Variants in ARHGAP31 observed in about 807,000 individuals in gnomAD.
ARHGAP31 encodes Rho GTPase activating protein 31, also known as rho GTPase-activating protein 31.
In ARHGAP31, 34 loss-of-function variants were observed where a neutral mutation model predicts 113.9. The observed-to-expected ratio is 0.30, with a 90% confidence interval of 0.23 to 0.40. ARHGAP31 has a LOEUF of 0.40. ARHGAP31 is among the 10% of genes least tolerant of loss of function. The pLI, the probability that ARHGAP31 is intolerant of heterozygous loss-of-function variation, is 1.00. For synonymous variants in ARHGAP31, 650 were observed against 684.8 expected (o/e 0.95, Z 0.79); for missense variants, 1,548 against 1,767.1 (o/e 0.88, Z 2.22).
At chr3:119,344,443 G>A (rs185576308) in intron 1 of ARHGAP31, among the ~76,000 whole-genome samples, 2 of 152,118 alleles carry the variant, frequency 1.3e-5, no homozygotes, top group African/African-American at 4.8e-5. Flanking sequence ...ACTGTGCAGG[G>A]CATGGTGCTG....
intron 1 of ARHGAP31, among the ~76,000 whole-genome samples, chr3:119,355,921 T>C (rs2080153042): frequency 6.6e-6 from 1 of 152,172 alleles, no homozygotes; most frequent in Admixed American, 6.5e-5. Flanking sequence ...GTCTTTGCTA[T>C]TGTGAATAGA....
chr3:119,360,862 T>G (rs2080199896), intron 1 of ARHGAP31, among the ~76,000 whole-genome samples: 1 of 152,120 alleles, frequency 6.6e-6, no homozygotes, highest in South Asian at 2.1e-4. Context: ...AGCTATGATA[T>G]TATGTCATCA....
intron 1 of ARHGAP31, among the ~76,000 whole-genome samples, chr3:119,328,123 A>G (rs2079861560): frequency 6.6e-6 from 1 of 152,174 alleles, no homozygotes; most frequent in African/African-American, 2.4e-5. Flanking sequence ...GTTTAAGAAA[A>G]CCTCATAAAG....
chr3:119,330,718 T>C (rs550023248), intron 1 of ARHGAP31, among the ~76,000 whole-genome samples: 1 of 152,296 alleles, frequency 6.6e-6, no homozygotes, highest in East Asian at 1.9e-4. Context: ...CCTTCTATGG[T>C]TCTGTGGGGA....
chr3:119,309,326 T>G (rs912767037), intron 1 of ARHGAP31, among the ~76,000 whole-genome samples: 1 of 152,202 alleles, frequency 6.6e-6, no homozygotes, highest in South Asian at 2.1e-4. Flanking sequence ...GTAATATGTG[T>G]TCAGCCTTGC....
At chr3:119,311,904 C>G (rs566011565) in intron 1 of ARHGAP31, among the ~76,000 whole-genome samples, 5 of 152,342 alleles carry the variant, frequency 3.3e-5, no homozygotes, top group South Asian at 2.1e-4. Flanking sequence ...TGAGTAGTCT[C>G]TGTCTGAAGG....
intron 8 of ARHGAP31, among the ~76,000 whole-genome samples, chr3:119,396,296 A>G (rs948626256): frequency 3.3e-5 from 5 of 152,184 alleles, no homozygotes; most frequent in African/African-American, 1.2e-4. Context: ...GTGAGGTCTG[A>G]GTATTGGTAA....
At chr3:119,409,474 A>G (rs1235524790) in intron 10 of ARHGAP31, 22 bp from the exon 11 acceptor site, 1 of 1,613,790 alleles carries the variant, frequency 6.2e-7, no homozygotes, top group African/African-American at 1.3e-5. Context: ...CCTTTAACTG[A>G]TAACTCTCAT....
chr3:119,368,565 G>A, intron 3 of ARHGAP31, 49 bp downstream of exon 3: 2 of 1,606,208 alleles, frequency 1.2e-6, no homozygotes, highest in East Asian at 4.5e-5. Context: ...TGCATGGATG[G>A]GCCAAGAAGA....
intron 3 of ARHGAP31, among the ~76,000 whole-genome samples, chr3:119,369,892 A>G (rs2080282436): frequency 6.6e-6 from 1 of 152,162 alleles, no homozygotes; most frequent in Non-Finnish European, 1.5e-5. Flanking sequence ...CTGGTTATAT[A>G]TACTTAAAGA....
At chr3:119,389,061 T>C (rs1358539344) in intron 6 of ARHGAP31, among the ~76,000 whole-genome samples, 2 of 152,066 alleles carry the variant, frequency 1.3e-5, no homozygotes, top group Non-Finnish European at 2.9e-5. Flanking sequence ...CTCAGGAGGC[T>C]GAGGCAGGAG....
intron 10 of ARHGAP31, among the ~76,000 whole-genome samples, chr3:119,406,947 C>T (rs1371106330): frequency 6.6e-6 from 1 of 152,148 alleles, no homozygotes; most frequent in African/African-American, 2.4e-5. Flanking sequence ...GTCCCTCTCA[C>T]TTTCTCATTT....
In ARHGAP31 at chr3:119,330,871, G is replaced by A. The variant is rs557450020; in HGVS notation, c.101-34445G>A. 2.0e-5 allele frequency among the ~76,000 whole-genome samples: 3 copies of A among 152,280 alleles called. No individual in the cohort carries two copies. The East Asian group carries it at 5.8e-4, about 29-fold the overall frequency. On this transcript the variant is annotated intron_variant, in intron 1 of 11. Transcript: ENST00000264245. ...GAACAGACCTGTTTTGTATATGTGCGATATATTTATAAAGTGTGTGCCTTT... is the reference window on the plus strand; with the variant it reads ...GAACAGACCTGTTTTGTATATGTGCAATATATTTATAAAGTGTGTGCCTTT...
At chr3:119,405,047 A>G (rs1183606123) in intron 10 of ARHGAP31, among the ~76,000 whole-genome samples, 1 of 152,242 alleles carries the variant, frequency 6.6e-6, no homozygotes, top group Non-Finnish European at 1.5e-5. Flanking sequence ...AACTTGATAA[A>G]TGAAAATCCA....
chr3:119,301,200 G>C (rs1000017309), intron 1 of ARHGAP31, among the ~76,000 whole-genome samples: 19 of 152,274 alleles, frequency 1.2e-4, no homozygotes, highest in African/African-American at 4.6e-4. Flanking sequence ...GGGCCACAGG[G>C]ACAGCCTCAC....
chr3:119,384,261 T>A (rs935261546), intron 6 of ARHGAP31, among the ~76,000 whole-genome samples: 12 of 152,194 alleles, frequency 7.9e-5, no homozygotes, highest in Admixed American at 2.0e-4. Context: ...TTTAAAAAAT[T>A]ATTTTATCTA....
At chr3:119,350,853 G>A (rs1454934565) in intron 1 of ARHGAP31, among the ~76,000 whole-genome samples, 1 of 152,182 alleles carries the variant, frequency 6.6e-6, no homozygotes, top group Non-Finnish European at 1.5e-5. Flanking sequence ...TTACCCTAAT[G>A]TTTTGTCCTG....
At chr3:119,353,364 C>A (rs1051816668) in intron 1 of ARHGAP31, among the ~76,000 whole-genome samples, 6 of 152,304 alleles carry the variant, frequency 3.9e-5, no homozygotes, top group Admixed American at 2.6e-4. Context: ...CTGTCTAGGG[C>A]CCTTAGCATA....
At position 119,420,358 on chromosome 3, in the gene ARHGAP31, A is replaced by G. The variant is rs2080810602; in HGVS notation, c.*4094A>G. 1 of 151,156 alleles carries G rather than the reference A, an allele frequency of 6.6e-6. No individual in the cohort carries two copies. The allele number at this position is 151,156 out of a possible 1,614,324, so 9.4% of individuals were successfully genotyped here. ...ACAAAGAATATGTGCTCTACTACCAAAACCTTTCCTAGCAAAACAAGGCCA... is the reference window on the plus strand; with the variant it reads ...ACAAAGAATATGTGCTCTACTACCAGAACCTTTCCTAGCAAAACAAGGCCA... On this transcript the variant is annotated 3_prime_UTR_variant, in exon 12 of 12. Transcript: ENST00000264245.
Sources: allele counts gnomAD v4.1 joint callset (sites outside exome capture counted in the v4.1 genomes callset), GRCh38; gene constraint gnomAD v4.1.1; transcripts MANE v1.5; gene names NCBI Gene and HGNC (gene_info 2026-07-23, HGNC 2026-07-21).